The following KMT5A variants were observed in gnomAD, a reference collection of about 807,000 sequenced individuals.
KMT5A encodes the protein lysine methyltransferase 5A, also known as N-lysine methyltransferase KMT5A.
A neutral mutation model predicts 40.6 loss-of-function variants in KMT5A; 6 were observed. The observed-to-expected ratio is 0.15, with a 90% confidence interval of 0.08 to 0.29. The LOEUF is 0.29. KMT5A is among the 10% of genes least tolerant of loss of function. The probability of loss-of-function intolerance (pLI) is 1.00; values close to 1 mark genes in which losing one functional copy is unlikely to be tolerated. For synonymous variants in KMT5A, 153 were observed against 178.8 expected (o/e 0.86, Z 1.15); for missense variants, 308 against 459.1 (o/e 0.67, Z 3.01).
chr12:123,398,017 T>G lies in KMT5A; in HGVS notation c.597+1585T>G, dbSNP rs527745481. On this transcript the variant is annotated intron_variant, in intron 5 of 7. Coordinates refer to ENST00000402868, the MANE Select transcript of KMT5A (RefSeq NM_020382.7). ...ACAGCACTGGGCCAGGTGCAGTGGC[T>G]CACACCTGTAATCCTAGCACTTTGG... 7.4e-4 allele frequency among the ~76,000 whole-genome samples: 111 copies of G among 149,866 alleles called. 1 individual carries two copies. The highest frequency in any genetic ancestry group is 6.6e-3 in the Admixed American group (99 of 15,096).
At chr12:123,399,355 T>G (rs1877976010) in intron 5 of KMT5A, among the ~76,000 whole-genome samples, 1 of 152,248 alleles carries the variant, frequency 6.6e-6, no homozygotes, top group Admixed American at 6.5e-5. Context: ...GCTGGTTGTT[T>G]GCAGGCCCCA....
At chr12:123,390,807 C>T (rs753700558) in intron 3 of KMT5A, 21 bp downstream of exon 3, 6 of 1,612,672 alleles carry the variant, frequency 3.7e-6, no homozygotes, top group Non-Finnish European at 5.1e-6. Context: ...GAAATGGCCT[C>T]GTTCTGATCC....
rs767193062 is a variant in KMT5A, at chr12:123,405,015, A to G, written c.789A>G (p.Ala263=). The G allele has an allele frequency of 1.9e-5, 30 of 1,614,020 alleles. No individual in the cohort carries two copies. The Admixed American group carries it at 3.7e-4, about 20-fold the overall frequency. The change falls in exon 7 of 8, where the codon GCA becomes GCG. Residue 263 remains alanine (A), a synonymous_variant. Coordinates refer to ENST00000402868, the MANE Select transcript of KMT5A (RefSeq NM_020382.7). ...CCAAGAAACGGGAGGCTCTGTACGC[A>G]CAGGACCCTTCCACGGGCTGCTACA... is the stretch of plus-strand genomic sequence containing the variant. ...TDAKKREALY[A]QDPSTGCYMY...
At chr12:123,406,441 A>G (rs187248942) in intron 7 of KMT5A, among the ~76,000 whole-genome samples, 1 of 152,192 alleles carries the variant, frequency 6.6e-6, no homozygotes, top group East Asian at 1.9e-4. Flanking sequence ...CAGCCTCCCA[A>G]GTAACTGGGA....
intron 4 of KMT5A, 24 bp downstream of exon 4, chr12:123,395,290 T>C (rs1877628583): frequency 1.9e-6 from 3 of 1,604,092 alleles, no homozygotes; most frequent in Non-Finnish European, 2.6e-6. Flanking sequence ...TCAGTCCTCT[T>C]CCTAACGTGG....
At chr12:123,406,110 TG>T (rs1199329244) in intron 7 of KMT5A, among the ~76,000 whole-genome samples, 2 of 151,580 alleles carry the variant, frequency 1.3e-5, no homozygotes, top group Non-Finnish European at 2.9e-5. Flanking sequence ...TGAGCCACTG[TG>T]GCCCCAGCTT....
At chr12:123,397,570 G>A (rs1233175684) in intron 5 of KMT5A, among the ~76,000 whole-genome samples, 1 of 151,914 alleles carries the variant, frequency 6.6e-6, no homozygotes, top group East Asian at 1.9e-4. Context: ...ACAGAGAGCA[G>A]CTTTGGTTTT....
intron 3 of KMT5A, among the ~76,000 whole-genome samples, chr12:123,393,061 A>G (rs1159483221): frequency 2.0e-5 from 3 of 152,082 alleles, no homozygotes; most frequent in Non-Finnish European, 4.4e-5. Context: ...TATTTTCAGT[A>G]GAGATGGGGT....
chr12:123,397,663 CTTTT>C (rs63687963), intron 5 of KMT5A, among the ~76,000 whole-genome samples: 2 of 79,544 alleles, frequency 2.5e-5, no homozygotes. Flanking sequence ...TGCTAGGTCA[CTTTT>C]TTTTTTTTTT....
chr12:123,390,317 A>T (rs1327201420), intron 2 of KMT5A, among the ~76,000 whole-genome samples: 3 of 152,204 alleles, frequency 2.0e-5, no homozygotes, highest in African/African-American at 4.8e-5. Context: ...TCACATGCCC[A>T]GGTCCTTTTG....
At position 123,407,484 on chromosome 12, in the gene KMT5A, C is replaced by T; in HGVS notation, c.849-9C>T. The T allele has an allele frequency of 6.2e-7, 1 of 1,613,800 alleles. No homozygotes were observed. Reference sequence around the variant, plus strand: ...CATTTAATCCTCTCTGGCCCTCCTTCCCCTCCAGCGTGGATGCAACTAGAG... The same window carrying T: ...CATTTAATCCTCTCTGGCCCTCCTTTCCCTCCAGCGTGGATGCAACTAGAG... On this transcript the variant is annotated splice_polypyrimidine_tract_variant and intron_variant, in intron 7 of 7. Coordinates refer to ENST00000402868, the MANE Select transcript of KMT5A (RefSeq NM_020382.7).
intron 5 of KMT5A, among the ~76,000 whole-genome samples, chr12:123,400,121 C>CAAAAA (rs1878033773): frequency 1.3e-5 from 2 of 151,334 alleles, no homozygotes; most frequent in South Asian, 2.1e-4. Context: ...TGAGCCCGGC[C>CAAAAA]GTGAGACCCC....
At chr12:123,402,142 G>A (rs1160678820) in intron 5 of KMT5A, among the ~76,000 whole-genome samples, 1 of 152,214 alleles carries the variant, frequency 6.6e-6, no homozygotes, top group Non-Finnish European at 1.5e-5. Context: ...TGGCTTTCCT[G>A]AAGTGTTGGG....
chr12:123,405,428 T>C lies in KMT5A; in HGVS notation c.848+354T>C, dbSNP rs376119099. The stretch of plus-strand genomic sequence containing the variant: ...TCAGACGATCCACCCGCCTTGGCCT[T>C]CCAAAGTGCTAGGATTACAGGTGTG... On this transcript the variant is annotated intron_variant, in intron 7 of 7. Transcript: ENST00000402868. Among the ~76,000 whole-genome samples the C allele has an allele frequency of 4.0e-5, 6 of 151,516 alleles. No homozygotes were observed. The South Asian group carries it at 6.2e-4, about 16-fold the overall frequency.
At chr12:123,398,884 G>C (rs1271428106) in intron 5 of KMT5A, among the ~76,000 whole-genome samples, 6 of 152,262 alleles carry the variant, frequency 3.9e-5, no homozygotes, top group Non-Finnish European at 8.8e-5. Flanking sequence ...TTGTTGGCCA[G>C]ATGGTCTGGG....
chr12:123,393,350 G>A (rs1408086078), intron 3 of KMT5A, among the ~76,000 whole-genome samples: 2 of 151,918 alleles, frequency 1.3e-5, no homozygotes, highest in African/African-American at 2.4e-5. Flanking sequence ...CCCATTAGGC[G>A]TCACCTTCGA....
At chr12:123,399,135 C>T (rs1877961802) in intron 5 of KMT5A, among the ~76,000 whole-genome samples, 1 of 152,238 alleles carries the variant, frequency 6.6e-6, no homozygotes, top group Non-Finnish European at 1.5e-5. Flanking sequence ...AGGGACCATG[C>T]CTCTTGGCAA....
At chr12:123,390,235 C>T (rs1042799414) in intron 2 of KMT5A, 3 of 438,864 alleles carry the variant, frequency 6.8e-6, no homozygotes, top group Non-Finnish European at 1.4e-5. Context: ...TCAGGTTCCC[C>T]GGGGCGTGTT....
intron 5 of KMT5A, among the ~76,000 whole-genome samples, chr12:123,400,151 A>G (rs1878035867): frequency 6.6e-6 from 1 of 151,196 alleles, no homozygotes; most frequent in Non-Finnish European, 1.5e-5. Flanking sequence ...AATAATTAAA[A>G]AGGCCTCCCA....
Sources: gnomAD v4.1 joint callset for allele counts (sites outside exome capture counted in the v4.1 genomes callset) on GRCh38, gnomAD v4.1.1 for gene constraint, MANE v1.5 for transcripts, NCBI Gene and HGNC (gene_info 2026-07-23, HGNC 2026-07-21) for gene names.